The following TTC17 variants were observed in gnomAD, a reference collection of about 807,000 sequenced individuals.
TTC17 encodes the protein tetratricopeptide repeat domain 17.
Under a neutral mutation model 143.8 loss-of-function variants are expected in TTC17, and 58 were observed. The observed-to-expected ratio is 0.40, with a 90% CI of 0.33 to 0.50. The LOEUF is 0.50. Ranked by LOEUF, TTC17 falls within the 20% of genes least tolerant of loss-of-function variation. The pLI, the probability that TTC17 is intolerant of heterozygous loss-of-function variation, is 0.49. For missense variants in TTC17, 1,273 were observed against 1,392.5 expected, an observed-to-expected ratio of 0.91 and a Z score of 1.37; for synonymous variants, 501 against 497.8, an observed-to-expected ratio of 1.01 and a Z score of -0.09.
At chr11:43,451,369 G>A in intron 21 of TTC17, 104 bp downstream of exon 21, 1 of 945,226 alleles carries the variant, frequency 1.1e-6, no homozygotes, top group Admixed American at 2.0e-5. Flanking sequence ...TAGTTACTTA[G>A]CACTTGGTGG....
At chr11:43,373,293 T>G (rs535138922) in intron 1 of TTC17, among the ~76,000 whole-genome samples, 1 of 152,230 alleles carries the variant, frequency 6.6e-6, no homozygotes, top group Admixed American at 6.5e-5. Context: ...GAGCCTTGGT[T>G]TAATTTGACA....
chr11:43,384,235 C>T (rs1857087651), intron 2 of TTC17, among the ~76,000 whole-genome samples: 1 of 151,904 alleles, frequency 6.6e-6, no homozygotes, highest in South Asian at 2.1e-4. Flanking sequence ...AAAGTATCTA[C>T]TATGCAAATG....
At chr11:43,378,008 A>G (rs943364732) in intron 1 of TTC17, among the ~76,000 whole-genome samples, 3 of 152,058 alleles carry the variant, frequency 2.0e-5, no homozygotes. Flanking sequence ...GGTTCAAGCA[A>G]TTCTCCTACC....
intron 19 of TTC17, among the ~76,000 whole-genome samples, chr11:43,448,417 C>T (rs1210675509): frequency 6.6e-6 from 1 of 152,162 alleles, no homozygotes; most frequent in Non-Finnish European, 1.5e-5. Context: ...GCACAAAACC[C>T]ATGGTTTGTC....
intron 19 of TTC17, 104 bp from the exon 20 acceptor site, chr11:43,449,978 C>A: frequency 7.8e-7 from 1 of 1,286,434 alleles, no homozygotes; most frequent in South Asian, 1.5e-5. Context: ...CTATGATGAG[C>A]TGATTGTTAA....
Position 43,444,137 on chromosome 11 carries a change from A to G in TTC17, c.2593A>G (p.Ile865Val). The stretch of plus-strand genomic sequence containing the variant: ...TGGGAAAAAAGTAGAAACAGGTCAG[A>G]TAGAAAATGGACATCGTTACCAAGC... ...TPGKKVETGQ[I>V]ENGHRYQANL... Residue 865 changes from isoleucine (I) to valine (V), a missense_variant, in exon 18 of 24, where the codon ATA becomes GTA. Transcript: ENST00000039989. The G allele has an allele frequency of 4.3e-6, 7 of 1,613,564 alleles. 1 individual carries two copies. The highest frequency in any genetic ancestry group is 4.2e-6 in the Non-Finnish European group (5 of 1,179,702).
chr11:43,390,269 C>T, intron 3 of TTC17: 1 of 153,006 alleles, frequency 6.5e-6, no homozygotes, highest in Non-Finnish European at 1.5e-5. Flanking sequence ...TATGATGGTG[C>T]CACTCTACCC....
intron 1 of TTC17, among the ~76,000 whole-genome samples, chr11:43,372,423 C>T (rs1856602478): frequency 6.6e-6 from 1 of 151,838 alleles, no homozygotes; most frequent in Non-Finnish European, 1.5e-5. Flanking sequence ...CTGCCTCAGC[C>T]TCCCGAGTAG....
At chr11:43,455,819 A>G (rs1447173470) in intron 21 of TTC17, among the ~76,000 whole-genome samples, 1 of 152,194 alleles carries the variant, frequency 6.6e-6, no homozygotes, top group Non-Finnish European at 1.5e-5. Flanking sequence ...CAATGCTGCT[A>G]TATTTCAGAG....
intron 21 of TTC17, among the ~76,000 whole-genome samples, chr11:43,460,675 C>T (rs760825231): frequency 2.0e-5 from 3 of 152,210 alleles, no homozygotes; most frequent in Non-Finnish European, 2.9e-5. Flanking sequence ...CTGGGCATTT[C>T]TTCTGGTCTC....
chr11:43,400,728 ATC>A (rs549579830), intron 9 of TTC17, among the ~76,000 whole-genome samples: 50 of 152,258 alleles, frequency 3.3e-4, no homozygotes, highest in African/African-American at 1.2e-3. Flanking sequence ...TTTTATTAAA[ATC>A]TCTCAAGCAT....
chr11:43,456,824 A>C (rs985129376), intron 21 of TTC17, among the ~76,000 whole-genome samples: 1 of 152,150 alleles, frequency 6.6e-6, no homozygotes, highest in Non-Finnish European at 1.5e-5. Flanking sequence ...CAAACACATG[A>C]CCAGTTTTTT....
intron 21 of TTC17, among the ~76,000 whole-genome samples, chr11:43,458,327 C>G (rs1266034431): frequency 6.6e-6 from 1 of 152,168 alleles, no homozygotes; most frequent in Non-Finnish European, 1.5e-5. Flanking sequence ...TCCATCTGGT[C>G]TCTCCAGCTC....
At chr11:43,477,577 T>G (rs977517097) in intron 21 of TTC17, among the ~76,000 whole-genome samples, 2 of 152,288 alleles carry the variant, frequency 1.3e-5, no homozygotes, top group African/African-American at 4.8e-5. Flanking sequence ...CAGAAACCCC[T>G]GATAAACCCA....
chr11:43,472,360 T>C (rs934919256), intron 21 of TTC17, among the ~76,000 whole-genome samples: 1 of 152,104 alleles, frequency 6.6e-6, no homozygotes, highest in African/African-American at 2.4e-5. Flanking sequence ...AAAAAAGATA[T>C]ATCATGCAAA....
chr11:43,463,331 A>C (rs906143738), intron 21 of TTC17, among the ~76,000 whole-genome samples: 2 of 152,224 alleles, frequency 1.3e-5, no homozygotes, highest in African/African-American at 4.8e-5. Flanking sequence ...ATTTCTTAGC[A>C]TGGAAATGGA....
rs1947487361 is a variant in TTC17, at chr11:43,444,167, C to T, written c.2623C>T (p.Leu875=). Residue 875 remains leucine (L), a synonymous_variant, in exon 18 of 24, where the codon CTA becomes TTA. Transcript: ENST00000039989. Reference sequence around the variant, plus strand: ...AAATGGACATCGTTACCAAGCAAACCTAGAGATCACTGGCCCCAAGGTGGC... The same window carrying T: ...AAATGGACATCGTTACCAAGCAAACTTAGAGATCACTGGCCCCAAGGTGGC... ...IENGHRYQAN[L]EITGPKVASP... is the part of the protein sequence containing the mutation. 1.2e-6 allele frequency: 2 copies of T among 1,612,728 alleles called. No homozygotes were observed. Among genetic ancestry groups the T allele is most frequent in the Non-Finnish European group, 1.7e-6 (2 of 1,179,414 alleles).
intron 3 of TTC17, among the ~76,000 whole-genome samples, chr11:43,390,714 A>AT (rs1349884146): frequency 6.6e-6 from 1 of 151,970 alleles, no homozygotes; most frequent in African/African-American, 2.4e-5. Context: ...AGTTAAAAAA[A>AT]TTAACAAAAA....
intron 16 of TTC17, chr11:43,435,227 C>CATA (rs1947265766): frequency 6.6e-6 from 1 of 152,074 alleles, no homozygotes; most frequent in Non-Finnish European, 1.5e-5. Context: ...CACTCTTAAC[C>CATA]AAAGAATTGT....
Sources: allele counts gnomAD v4.1 joint callset (sites outside exome capture counted in the v4.1 genomes callset), GRCh38; gene constraint gnomAD v4.1.1; transcripts MANE v1.5; gene names NCBI Gene and HGNC (gene_info 2026-07-23, HGNC 2026-07-21).